Variants in VWA3B observed in about 807,000 individuals in gnomAD.
VWA3B encodes the protein von Willebrand factor A domain containing 3B, also known as von Willebrand factor A domain-containing protein 3B.
Under a neutral mutation model 158.3 loss-of-function variants are expected in VWA3B, and 138 were observed. The ratio of observed to expected loss-of-function variants is 0.87; its 90% confidence interval spans 0.76 to 1.00. The LOEUF (loss-of-function observed/expected upper bound fraction) is 1.00. Ranked by LOEUF, VWA3B falls within the 50% of genes least tolerant of loss-of-function variation. VWA3B has a pLI of 0.00. For synonymous variants in VWA3B, 596 were observed against 587.3 expected, an observed-to-expected ratio of 1.01 and a Z score of -0.21; for missense variants, 1,555 against 1,565.1, an observed-to-expected ratio of 0.99 and a Z score of 0.11.
chr2:98,259,256 G>C (rs1166761725), intron 21 of VWA3B, among the ~76,000 whole-genome samples: 1 of 151,706 alleles, frequency 6.6e-6, no homozygotes, highest in East Asian at 1.9e-4. Context: ...CTTGGTATCA[G>C]GGTAATTCTC....
At chr2:98,154,434 C>A (rs1462060272) in intron 7 of VWA3B, among the ~76,000 whole-genome samples, 1 of 152,166 alleles carries the variant, frequency 6.6e-6, no homozygotes, top group Non-Finnish European at 1.5e-5. Context: ...CTTCCCTTAG[C>A]GCACACATTT....
At chr2:98,154,767 C>T (rs1160785513) in intron 7 of VWA3B, among the ~76,000 whole-genome samples, 1 of 152,162 alleles carries the variant, frequency 6.6e-6, no homozygotes, top group East Asian at 1.9e-4. Flanking sequence ...AATTGAATTG[C>T]CAGGGAAAAG....
chr2:98,303,536 AAAT>A (rs1690328578), intron 25 of VWA3B, among the ~76,000 whole-genome samples, 163 bp from the exon 26 acceptor site: 1 of 152,168 alleles, frequency 6.6e-6, no homozygotes, highest in South Asian at 2.1e-4. Context: ...TTTATTCAGC[AAAT>A]AATTGTCAAG....
intron 26 of VWA3B, among the ~76,000 whole-genome samples, chr2:98,308,218 C>A (rs916128371): frequency 6.6e-6 from 1 of 152,162 alleles, no homozygotes; most frequent in East Asian, 1.9e-4. Flanking sequence ...CAATGTGAAA[C>A]CAGCTAGGCG....
intron 19 of VWA3B, among the ~76,000 whole-genome samples, chr2:98,243,338 A>ATT (rs372807114): frequency 2.7e-5 from 4 of 150,008 alleles, no homozygotes; most frequent in Non-Finnish European, 5.9e-5. Flanking sequence ...GTGAGATGTA[A>ATT]TTTTTTTTTT....
At chr2:98,202,548 GT>G (rs1682643243) in intron 12 of VWA3B, among the ~76,000 whole-genome samples, 2 of 150,904 alleles carry the variant, frequency 1.3e-5, no homozygotes, top group South Asian at 2.1e-4. Flanking sequence ...TACTTGCTTT[GT>G]TTTTTTAAAT....
At chr2:98,298,722 GC>G (rs1222608833) in intron 24 of VWA3B, among the ~76,000 whole-genome samples, 1 of 152,262 alleles carries the variant, frequency 6.6e-6, no homozygotes, top group Non-Finnish European at 1.5e-5. Flanking sequence ...CAGGAATGAA[GC>G]TGCGAATGCA....
At chr2:98,214,924 C>T (rs553510458) in intron 13 of VWA3B, among the ~76,000 whole-genome samples, 1 of 152,206 alleles carries the variant, frequency 6.6e-6, no homozygotes, top group African/African-American at 2.4e-5. Flanking sequence ...TTGATACTGC[C>T]GAATAGCAGC....
chr2:98,110,151 C>T (rs1388549595), intron 2 of VWA3B, among the ~76,000 whole-genome samples: 2 of 150,486 alleles, frequency 1.3e-5, no homozygotes, highest in Non-Finnish European at 3.0e-5. Context: ...ATAATATGAA[C>T]ATTGGATCTT....
At position 98,162,841 on chromosome 2, in the gene VWA3B, C is replaced by G; in HGVS notation, c.989-10C>G. The G allele has an allele frequency of 1.2e-6, 2 of 1,613,206 alleles. No individual in the cohort carries two copies. The highest frequency in any genetic ancestry group is 1.7e-6 in the Non-Finnish European group (2 of 1,179,876). On this transcript the variant is annotated splice_polypyrimidine_tract_variant and intron_variant, in intron 7 of 27. Coordinates refer to ENST00000477737, the MANE Select transcript of VWA3B (RefSeq NM_144992.5). ...TCAGCCGGCCGCTCATGCTGTGTCT[C>G]CCCTTTTAGGAGCTGGAGTCAGAGA...
chr2:98,313,529 G>A (rs948598655), downstream of VWA3B, among the ~76,000 whole-genome samples: 1 of 152,206 alleles, frequency 6.6e-6, no homozygotes, highest in Non-Finnish European at 1.5e-5. Flanking sequence ...CAAGGTGTCT[G>A]GTCTGGAGAA....
chr2:98,161,665 TTATTTATC>T (rs1387278343), intron 7 of VWA3B, among the ~76,000 whole-genome samples: 4 of 152,198 alleles, frequency 2.6e-5, no homozygotes, highest in African/African-American at 4.8e-5. Flanking sequence ...TGCCCATCTA[TTATTTATC>T]TATTTATCTA....
intron 19 of VWA3B, among the ~76,000 whole-genome samples, chr2:98,237,457 A>G (rs1202887847): frequency 6.6e-6 from 1 of 152,246 alleles, no homozygotes; most frequent in Non-Finnish European, 1.5e-5. Context: ...AGCAAGCCAC[A>G]TGTTAGCAAA....
At chr2:98,170,598 G>C (rs574080446) in intron 8 of VWA3B, among the ~76,000 whole-genome samples, 10 of 145,788 alleles carry the variant, frequency 6.9e-5, no homozygotes, top group African/African-American at 2.4e-4. Context: ...CACAGACTCA[G>C]AGTTAGGAAG....
At chr2:98,102,203 T>C (rs1683128725) in intron 2 of VWA3B, among the ~76,000 whole-genome samples, 1 of 152,228 alleles carries the variant, frequency 6.6e-6, no homozygotes, top group South Asian at 2.1e-4. Context: ...AGGTTATAGA[T>C]TAACAGCATC....
At chr2:98,323,131 A>C in the VWA3B span, among the ~76,000 whole-genome samples, 58 of 152,190 alleles carry the variant, frequency 3.8e-4, 2 homozygotes, top group Admixed American at 3.8e-3. Flanking sequence ...AAAGACAAAC[A>C]TTCAATAAAA....
chr2:98,258,122 C>G (rs1471924472), intron 21 of VWA3B, among the ~76,000 whole-genome samples: 2 of 151,744 alleles, frequency 1.3e-5, no homozygotes, highest in Admixed American at 6.6e-5. Context: ...CTATTCTTTC[C>G]CTTTGAATGG....
rs751899505 is a variant in VWA3B, at chr2:98,234,812, CA to C, written c.2428+46del. ...TGTGGCCAACCAGCCTCCCTTTCCA[CA>C]GTGTATCTGTTCCAGAAAGAGCTGC... On this transcript the variant is annotated intron_variant, in intron 17 of 27. Transcript: ENST00000477737. The C allele has an allele frequency of 3.7e-6, 6 of 1,613,022 alleles. No individual in the cohort carries two copies. In the South Asian group the frequency reaches 6.6e-5, roughly 18 times the overall value.
At chr2:98,286,900 T>C (rs1689193690) in intron 22 of VWA3B, among the ~76,000 whole-genome samples, 2 of 152,226 alleles carry the variant, frequency 1.3e-5, no homozygotes, top group East Asian at 1.9e-4. Flanking sequence ...CAGTGGCTTC[T>C]ATTTATTGTG....
Sources: gnomAD v4.1 joint callset for allele counts (sites outside exome capture counted in the v4.1 genomes callset) on GRCh38, gnomAD v4.1.1 for gene constraint, MANE v1.5 for transcripts, NCBI Gene and HGNC (gene_info 2026-07-23, HGNC 2026-07-21) for gene names.